Variants in SPOCK1 observed in about 807,000 individuals in gnomAD.
SPOCK1 encodes the protein SPARC (osteonectin), cwcv and kazal like domains proteoglycan 1, also known as testican-1.
SPOCK1 carries 23 observed loss-of-function variants against 55.3 expected under a neutral mutation model. The observed-to-expected ratio is 0.42, with a 90% CI of 0.30 to 0.59. The LOEUF (loss-of-function observed/expected upper bound fraction) is 0.59. SPOCK1 is among the 20% of genes least tolerant of loss of function. The probability of loss-of-function intolerance (pLI) is 0.22; values close to 1 mark genes in which losing one functional copy is unlikely to be tolerated. For synonymous variants in SPOCK1, 226 were observed against 221.0 expected (o/e 1.02, Z -0.20); for missense variants, 499 against 552.5 (o/e 0.90, Z 0.97).
intron 3 of SPOCK1, among the ~76,000 whole-genome samples, chr5:137,263,909 CT>C (rs1390933520): frequency 6.6e-6 from 1 of 152,166 alleles, no homozygotes; most frequent in Non-Finnish European, 1.5e-5. Context: ...AGATACTTTT[CT>C]TCTAACTGCC....
chr5:137,478,854 T>C (rs1179920582), intron 2 of SPOCK1, among the ~76,000 whole-genome samples: 2 of 151,910 alleles, frequency 1.3e-5, no homozygotes, highest in Admixed American at 6.6e-5. Flanking sequence ...ATAAGGAAGA[T>C]AGGGGTAGGG....
intron 2 of SPOCK1, among the ~76,000 whole-genome samples, chr5:137,488,194 C>T (rs891696364): frequency 2.7e-4 from 41 of 151,858 alleles, no homozygotes; most frequent in Middle Eastern, 3.2e-3. Flanking sequence ...CTGGCCAATG[C>T]GGCGAAACCC....
intron 3 of SPOCK1, among the ~76,000 whole-genome samples, chr5:137,186,357 A>AT (rs1212313682): frequency 6.6e-6 from 1 of 151,984 alleles, no homozygotes; most frequent in Admixed American, 6.6e-5. Flanking sequence ...GTATAGGGGG[A>AT]TTGCATCAAT....
At chr5:137,095,720 T>C (rs966390911) in intron 5 of SPOCK1, among the ~76,000 whole-genome samples, 1 of 152,222 alleles carries the variant, frequency 6.6e-6, no homozygotes, top group Non-Finnish European at 1.5e-5. Flanking sequence ...ATTCTTATCA[T>C]TAGCCAGTAT....
chr5:137,372,267 C>G (rs2127171252), intron 2 of SPOCK1, among the ~76,000 whole-genome samples: 1 of 152,246 alleles, frequency 6.6e-6, no homozygotes, highest in African/African-American at 2.4e-5. Context: ...AGTCTGTGTC[C>G]ACAGCCAAGC....
intron 4 of SPOCK1, among the ~76,000 whole-genome samples, chr5:137,135,006 GGAGATAAAGGGCCATTACATTA>G (rs1561622309): frequency 6.6e-6 from 1 of 152,218 alleles, no homozygotes; most frequent in Admixed American, 6.5e-5. Flanking sequence ...GTTAAGAAGT[GGAGATAAAGGGCCATTACATTA>G]GAGAGGCCCA....
At chr5:137,485,677 G>A (rs116566247) in intron 2 of SPOCK1, among the ~76,000 whole-genome samples, 1,756 of 151,768 alleles carry the variant, frequency 0.012, 31 homozygotes, top group African/African-American at 0.04. Context: ...AATATAACAG[G>A]TAAATAAATT....
intron 3 of SPOCK1, among the ~76,000 whole-genome samples, chr5:137,145,614 G>A (rs760121101): frequency 1.3e-5 from 2 of 152,112 alleles, no homozygotes; most frequent in East Asian, 1.9e-4. Flanking sequence ...ATCATTCAGC[G>A]TGAAGAATCT....
At chr5:137,378,623 A>T (rs1450627065) in intron 2 of SPOCK1, among the ~76,000 whole-genome samples, 2 of 152,242 alleles carry the variant, frequency 1.3e-5, no homozygotes, top group Non-Finnish European at 2.9e-5. Context: ...ACACACTGAC[A>T]GTTTTCTTTT....
intron 3 of SPOCK1, among the ~76,000 whole-genome samples, chr5:137,191,358 T>G (rs1010544813): frequency 4.6e-5 from 7 of 152,206 alleles, no homozygotes; most frequent in Non-Finnish European, 1.0e-4. Context: ...TAATCTTTGC[T>G]AAGCAAACCA....
chr5:137,420,116 T>C (rs1029855900), intron 2 of SPOCK1, among the ~76,000 whole-genome samples: 1 of 152,252 alleles, frequency 6.6e-6, no homozygotes, highest in Non-Finnish European at 1.5e-5. Context: ...TTGCATATGT[T>C]GAACCAGCCT....
chr5:137,311,987 A>G (rs1160310284), intron 2 of SPOCK1, among the ~76,000 whole-genome samples: 1 of 152,242 alleles, frequency 6.6e-6, no homozygotes, highest in Non-Finnish European at 1.5e-5. Context: ...TTACTGTCTG[A>G]CAAAAGTTAG....
intron 2 of SPOCK1, among the ~76,000 whole-genome samples, chr5:137,307,854 A>C (rs534057075): frequency 6.6e-6 from 1 of 152,338 alleles, no homozygotes; most frequent in Admixed American, 6.5e-5. Flanking sequence ...GCAGGGGCTC[A>C]AGTGTCATGA....
intron 2 of SPOCK1, among the ~76,000 whole-genome samples, chr5:137,276,945 T>G (rs1468056971): frequency 4.6e-5 from 7 of 152,104 alleles, no homozygotes; most frequent in Non-Finnish European, 1.0e-4. Context: ...AGGACTTGCA[T>G]CAAATCAAAG....
At chr5:137,197,222 C>T (rs1755319082) in intron 3 of SPOCK1, among the ~76,000 whole-genome samples, 1 of 152,174 alleles carries the variant, frequency 6.6e-6, no homozygotes, top group Admixed American at 6.5e-5. Flanking sequence ...TCAGGGCCCT[C>T]TCACATCAGA....
At chr5:137,452,816 A>T (rs1354590510) in intron 2 of SPOCK1, among the ~76,000 whole-genome samples, 1 of 152,144 alleles carries the variant, frequency 6.6e-6, no homozygotes, top group African/African-American at 2.4e-5. Context: ...TATCAGCTCT[A>T]TGAGGGCCCA....
intron 2 of SPOCK1, among the ~76,000 whole-genome samples, chr5:137,268,787 GATGGCATCACATATA>G (rs1756907119): frequency 6.6e-6 from 1 of 152,208 alleles, no homozygotes; most frequent in Non-Finnish European, 1.5e-5. Context: ...ACATACAGAG[GATGGCATCACATATA>G]ATGGCAATGT....
chr5:137,446,554 C>A (rs531261511), intron 2 of SPOCK1, among the ~76,000 whole-genome samples: 2 of 152,246 alleles, frequency 1.3e-5, no homozygotes, highest in East Asian at 3.9e-4. Context: ...ATGTGAGATG[C>A]ACAGTATGAG....
intron 2 of SPOCK1, among the ~76,000 whole-genome samples, chr5:137,340,100 A>C (rs1260368362): frequency 6.6e-6 from 1 of 151,962 alleles, no homozygotes; most frequent in Non-Finnish European, 1.5e-5. Context: ...GAAAAAAAAA[A>C]CACTTGATTA....
Sources: allele counts gnomAD v4.1 joint callset (sites outside exome capture counted in the v4.1 genomes callset), GRCh38; gene constraint gnomAD v4.1.1; transcripts MANE v1.5; gene names NCBI Gene and HGNC (gene_info 2026-07-23, HGNC 2026-07-21).